Variants in LRRC37A2 observed in about 807,000 individuals in gnomAD.
The protein encoded by LRRC37A2 is leucine rich repeat containing 37 member A2, also known as leucine-rich repeat-containing protein 37A2.
LRRC37A2 carries 9 observed loss-of-function variants against 68.8 expected under a neutral mutation model. That is an observed-to-expected ratio of 0.13 (90% CI 0.08 to 0.23). LRRC37A2 has a LOEUF of 0.23. Among genes scored for constraint, LRRC37A2 ranks in the 10% least tolerant of loss-of-function variants. LRRC37A2 has a pLI of 1.00. For missense variants in LRRC37A2, 168 were observed against 950.4 expected, an observed-to-expected ratio of 0.18 and a Z score of 10.82; for synonymous variants, 63 against 367.6, an observed-to-expected ratio of 0.17 and a Z score of 9.48.
At chr17:46,897,242 C>G in the LRRC37A2 span, among the ~76,000 whole-genome samples, 1 of 152,176 alleles carries the variant, frequency 6.6e-6, no homozygotes, top group Non-Finnish European at 1.5e-5. Flanking sequence ...GCGGCCAGCA[C>G]CTGGAACTGT....
At chr17:47,008,553 G>A in the LRRC37A2 span, among the ~76,000 whole-genome samples, 10 of 151,678 alleles carry the variant, frequency 6.6e-5, no homozygotes, top group Admixed American at 3.9e-4. Flanking sequence ...CCACCTCCCG[G>A]GTTCAAGCAA....
At chr17:46,961,714 G>A in the LRRC37A2 span, among the ~76,000 whole-genome samples, 1 of 152,082 alleles carries the variant, frequency 6.6e-6, no homozygotes. Context: ...TAACGACATA[G>A]AAAATTTGCA....
the LRRC37A2 span, among the ~76,000 whole-genome samples, chr17:46,601,561 GA>G: frequency 7.3e-6 from 1 of 137,418 alleles, no homozygotes; most frequent in Non-Finnish European, 1.5e-5. Flanking sequence ...TGTGAATTAT[GA>G]ACTAATTTTA....
the LRRC37A2 span, among the ~76,000 whole-genome samples, chr17:46,490,225 A>G: frequency 6.6e-6 from 1 of 151,360 alleles, no homozygotes; most frequent in South Asian, 2.1e-4. Flanking sequence ...CCCTGGTAGG[A>G]TGAAAGCAGC....
At chr17:46,993,251 T>TGTGCAGCATGCCTTCAGGC in the LRRC37A2 span, among the ~76,000 whole-genome samples, 1 of 152,218 alleles carries the variant, frequency 6.6e-6, no homozygotes, top group Non-Finnish European at 1.5e-5. Flanking sequence ...GTCACTCATG[T>TGTGCAGCATGCCTTCAGGC]GTGCAGCATG....
chr17:46,814,242 C>G, the LRRC37A2 span, among the ~76,000 whole-genome samples: 1 of 152,228 alleles, frequency 6.6e-6, no homozygotes, highest in Non-Finnish European at 1.5e-5. Context: ...TCCCTGAGAG[C>G]GTCCCCTTCC....
At chr17:46,833,530 C>T in the LRRC37A2 span, 4 of 435,326 alleles carry the variant, frequency 9.2e-6, no homozygotes, top group South Asian at 3.2e-5. Context: ...CTTTCCGAGA[C>T]ACTGCTGGAG....
chr17:46,986,048 G>A, the LRRC37A2 span, among the ~76,000 whole-genome samples: 2 of 152,088 alleles, frequency 1.3e-5, no homozygotes, highest in Non-Finnish European at 2.9e-5. Flanking sequence ...CAACAGAGTA[G>A]ACATTGACCT....
the LRRC37A2 span, chr17:46,978,585 G>T: frequency 6.6e-7 from 1 of 1,525,324 alleles, no homozygotes; most frequent in African/African-American, 1.4e-5. Context: ...GCGGGGCGAG[G>T]GTCCGGGTCT....
At chr17:46,403,639 A>T in the LRRC37A2 span, among the ~76,000 whole-genome samples, 1 of 84,084 alleles carries the variant, frequency 1.2e-5, no homozygotes, top group Admixed American at 1.2e-4. Flanking sequence ...GCAATAGTTT[A>T]CCTGTGAATG....
the LRRC37A2 span, among the ~76,000 whole-genome samples, chr17:46,878,563 AG>A: frequency 6.6e-6 from 1 of 152,058 alleles, no homozygotes; most frequent in Admixed American, 6.5e-5. Flanking sequence ...AAATGGGGAG[AG>A]GGCTGGTTTT....
At chr17:46,773,156 C>G in the LRRC37A2 span, among the ~76,000 whole-genome samples, 1 of 152,150 alleles carries the variant, frequency 6.6e-6, no homozygotes, top group Non-Finnish European at 1.5e-5. Context: ...CCAGTGCACC[C>G]TCTAGCCCCA....
chr17:46,941,102 A>G, the LRRC37A2 span: 4,042 of 1,024,656 alleles, frequency 3.9e-3, 124 homozygotes, highest in African/African-American at 0.064. Flanking sequence ...GCCTATTGTG[A>G]TTTAAAACAG....
chr17:46,711,391 G>A, the LRRC37A2 span, among the ~76,000 whole-genome samples: 21 of 152,266 alleles, frequency 1.4e-4, no homozygotes, highest in African/African-American at 5.1e-4. Flanking sequence ...ATGCCACTTA[G>A]CCTCAATTCA....
At chr17:46,816,269 T>C in the LRRC37A2 span, among the ~76,000 whole-genome samples, 335 of 151,876 alleles carry the variant, frequency 2.2e-3, no homozygotes, top group African/African-American at 7.7e-3. Flanking sequence ...CTCTTACACA[T>C]GTACATACAC....
chr17:47,000,659 A>G, the LRRC37A2 span, among the ~76,000 whole-genome samples: 2 of 152,130 alleles, frequency 1.3e-5, no homozygotes, highest in Non-Finnish European at 2.9e-5. Context: ...ACCCTTCAGT[A>G]GGTCATTTTC....
At chr17:46,785,788 C>T in the LRRC37A2 span, among the ~76,000 whole-genome samples, 42 of 149,934 alleles carry the variant, frequency 2.8e-4, no homozygotes, top group South Asian at 4.2e-3. Flanking sequence ...GAAGAGGCTG[C>T]GGGCCCTGTG....
chr17:46,794,360 G>A, the LRRC37A2 span, among the ~76,000 whole-genome samples: 3 of 152,320 alleles, frequency 2.0e-5, no homozygotes, highest in African/African-American at 7.2e-5. Flanking sequence ...CTATGGGGCT[G>A]AAAGAAGCCC....
chr17:46,990,044 G>A, the LRRC37A2 span, among the ~76,000 whole-genome samples: 26 of 152,168 alleles, frequency 1.7e-4, no homozygotes, highest in Non-Finnish European at 3.2e-4. Flanking sequence ...AGCCAAAGTG[G>A]GCCAATCTGA....
Sources: gnomAD v4.1 joint callset for allele counts (sites outside exome capture counted in the v4.1 genomes callset) on GRCh38, gnomAD v4.1.1 for gene constraint, MANE v1.5 for transcripts, NCBI Gene and HGNC (gene_info 2026-07-23, HGNC 2026-07-21) for gene names.